Variants in DIAPH2 observed in about 807,000 individuals in gnomAD.
The protein encoded by DIAPH2 is protein diaphanous homolog 2.
Under a neutral mutation model 92.7 loss-of-function variants are expected in DIAPH2, and 35 were observed. The ratio of observed to expected loss-of-function variants is 0.38; its 90% CI spans 0.29 to 0.50. The LOEUF is 0.50. DIAPH2 is among the 20% of genes least tolerant of loss of function. The pLI is 0.94. For synonymous variants in DIAPH2, 301 were observed against 280.4 expected (o/e 1.07, Z -0.73); for missense variants, 701 against 819.5 (o/e 0.86, Z 1.77).
chrX:97,153,308 C>T (rs113729976), intron 22 of DIAPH2, among the ~76,000 whole-genome samples: 1,273 of 111,495 alleles, frequency 0.011, 24 homozygotes, highest in African/African-American at 0.04. Flanking sequence ...TCAGACCAGG[C>T]GCTGTGGCTC....
At chrX:97,430,379 C>T (rs1233458279) in intron 26 of DIAPH2, among the ~76,000 whole-genome samples, 1 of 112,636 alleles carries the variant, frequency 8.9e-6, no homozygotes, top group African/African-American at 3.2e-5. Context: ...TCTACTTTCT[C>T]TGTTCATACC....
chrX:97,316,943 C>G (rs745922600), intron 23 of DIAPH2, among the ~76,000 whole-genome samples: 154 of 111,293 alleles, frequency 1.4e-3, no homozygotes, highest in Non-Finnish European at 2.6e-3. Flanking sequence ...ATAGGAACAG[C>G]AAGAATTGAA....
chrX:97,334,998 C>CAAAAAAAAAAAAAAAAAAAAAA lies in DIAPH2; in HGVS notation c.2845-13100_2845-13099insAAAAAAAAAAAAAAAAAAAAAA, dbSNP rs746536131. The stretch of plus-strand genomic sequence containing the variant: ...TTCGTCTCAAAAAACAAAAACAAAA[C>CAAAAAAAAAAAAAAAAAAAAAA]AAAAAAAAAAAAAAAAAAGAGGAAG... On this transcript the variant is annotated intron_variant, in intron 23 of 26. Transcript: ENST00000324765. Among the ~76,000 whole-genome samples, 109 of 31,426 alleles carry CAAAAAAAAAAAAAAAAAAAAAA rather than the reference C, an allele frequency of 3.5e-3. 1 individual carries two copies. The highest frequency in any genetic ancestry group is 5.5e-3 in the South Asian group (1 of 182). 27.3% of individuals were successfully genotyped at this position (31,426 alleles called of 115,157 possible).
At chrX:97,144,635 TA>T (rs2067231199) in intron 22 of DIAPH2, among the ~76,000 whole-genome samples, 1 of 110,676 alleles carries the variant, frequency 9.0e-6, no homozygotes. Context: ...TATATATATA[TA>T]TATTTTATAT....
At position 97,598,606 on chromosome X, in the gene DIAPH2, A is replaced by G. The variant is rs755312822; in HGVS notation, c.3242-647A>G. Among the ~76,000 whole-genome samples, 106 of 111,907 alleles carry G rather than the reference A, an allele frequency of 9.5e-4. 1 individual carries two copies. The highest frequency in any genetic ancestry group is 3.4e-3 in the African/African-American group (106 of 30,816). On this transcript the variant is annotated intron_variant, in intron 26 of 26. Transcript: ENST00000324765. ...CTAGAACTATTTTCAGCAACTTTCA[A>G]TGCTTTTAAACTTTGTTTTCCAAGT...
At chrX:97,201,973 C>A (rs1316305157) in intron 22 of DIAPH2, among the ~76,000 whole-genome samples, 1 of 111,777 alleles carries the variant, frequency 8.9e-6, no homozygotes, top group Non-Finnish European at 1.9e-5. Context: ...GATCTCTCTA[C>A]AGGAACCCTA....
At chrX:97,185,509 A>ATC (rs2067596135) in intron 22 of DIAPH2, among the ~76,000 whole-genome samples, 1 of 44,420 alleles carries the variant, frequency 2.3e-5, no homozygotes, top group African/African-American at 6.4e-5. Context: ...ATATATATAT[A>ATC]TATATATATA....
chrX:96,700,630 A>G (rs1183627696), intron 1 of DIAPH2, among the ~76,000 whole-genome samples: 1 of 112,161 alleles, frequency 8.9e-6, no homozygotes, highest in Non-Finnish European at 1.9e-5. Context: ...TGTTTTTAAT[A>G]TTTTTCCTTT....
intron 25 of DIAPH2, among the ~76,000 whole-genome samples, chrX:97,402,018 G>A (rs1293047322): frequency 1.8e-5 from 2 of 112,764 alleles, no homozygotes; most frequent in East Asian, 2.8e-4. Flanking sequence ...GACAGTATCA[G>A]TCAGAATCAA....
At position 97,243,539 on chromosome X, in the gene DIAPH2, A is replaced by G. The variant is rs2068115574; in HGVS notation, c.2720-4176A>G. The stretch of plus-strand genomic sequence containing the variant: ...TAATGGCATTGTTTAATGCAGCCAT[A>G]AATTTCTGTATAAGCTAGAATTCTC... On this transcript the variant is annotated intron_variant, in intron 22 of 26. Coordinates refer to ENST00000324765, the MANE Select transcript of DIAPH2 (RefSeq NM_006729.5). Among the ~76,000 whole-genome samples, 5 of 112,000 alleles carry G rather than the reference A, an allele frequency of 4.5e-5. No individual in the cohort carries two copies. In the South Asian group the frequency reaches 1.8e-3, roughly 41 times the overall value.
At chrX:96,754,619 A>G (rs1249220713) in intron 3 of DIAPH2, among the ~76,000 whole-genome samples, 3 of 111,076 alleles carry the variant, frequency 2.7e-5, no homozygotes, top group African/African-American at 9.8e-5. Flanking sequence ...TAGGGAGTAC[A>G]CTGTCAGTTG....
chrX:97,158,954 A>C (rs1361081881), intron 22 of DIAPH2, among the ~76,000 whole-genome samples: 1 of 112,572 alleles, frequency 8.9e-6, no homozygotes, highest in Non-Finnish European at 1.9e-5. Context: ...TTTAAAAACA[A>C]AACACAGAAG....
chrX:97,439,538 C>T (rs1602590681), intron 26 of DIAPH2, among the ~76,000 whole-genome samples: 1 of 108,771 alleles, frequency 9.2e-6, no homozygotes, highest in Admixed American at 9.7e-5. Flanking sequence ...CCATTGCACT[C>T]CAGCCTGAGC....
chrX:97,239,368 T>C (rs892965256), intron 22 of DIAPH2, among the ~76,000 whole-genome samples: 5 of 111,939 alleles, frequency 4.5e-5, no homozygotes, highest in African/African-American at 1.6e-4. Flanking sequence ...AAAGTATATG[T>C]ATATTTTTCA....
chrX:97,243,050 TGCTGGGATTACAG>T (rs1343014500), intron 22 of DIAPH2, among the ~76,000 whole-genome samples: 1 of 110,588 alleles, frequency 9.0e-6, no homozygotes, highest in Non-Finnish European at 1.9e-5. Flanking sequence ...CCTCCCAAAG[TGCTGGGATTACAG>T]GCTTGAGCCA....
intron 24 of DIAPH2, among the ~76,000 whole-genome samples, chrX:97,359,548 A>G (rs768843905): frequency 9.5e-6 from 1 of 105,209 alleles, no homozygotes; most frequent in East Asian, 2.9e-4. Flanking sequence ...ACTGCTTTTT[A>G]AAGATCTGAA....
At chrX:97,132,143 C>T (rs1377037757) in intron 21 of DIAPH2, among the ~76,000 whole-genome samples, 1 of 111,891 alleles carries the variant, frequency 8.9e-6, no homozygotes, top group Admixed American at 9.5e-5. Flanking sequence ...CAGATTGCTA[C>T]CATAAATTAG....
At position 97,158,316 on chromosome X, in the gene DIAPH2, C is replaced by G. The variant is rs752618783; in HGVS notation, c.2719+16522C>G. Among the ~76,000 whole-genome samples, 17 of 110,343 alleles carry G rather than the reference C, an allele frequency of 1.5e-4. No individual in the cohort carries two copies. The Admixed American group carries it at 1.6e-3, about 11-fold the overall frequency. ...AGTAGTTTCCAAATTCTGCTAGAAA[C>G]AGTTAATATGTTTGATCGGTTCTAT... On this transcript the variant is annotated intron_variant, in intron 22 of 26. Coordinates refer to ENST00000324765, the MANE Select transcript of DIAPH2 (RefSeq NM_006729.5).
chrX:97,417,375 TACAC>T (rs750360804), intron 25 of DIAPH2, among the ~76,000 whole-genome samples: 1,260 of 103,786 alleles, frequency 0.012, 26 homozygotes, highest in African/African-American at 0.042. Flanking sequence ...TGGTCACACA[TACAC>T]ACACACACAC....
Sources: gnomAD v4.1 joint callset for allele counts (sites outside exome capture counted in the v4.1 genomes callset) on GRCh38, gnomAD v4.1.1 for gene constraint, MANE v1.5 for transcripts, NCBI Gene and HGNC (gene_info 2026-07-23, HGNC 2026-07-21) for gene names.